PARD3: variants seen among roughly 807,000 people sequenced by gnomAD.
PARD3 encodes the protein partitioning defective 3 homolog.
Under a neutral mutation model 155.4 loss-of-function variants are expected in PARD3, and 75 were observed. The observed-to-expected ratio is 0.48, with a 90% CI of 0.40 to 0.58. PARD3 has a LOEUF of 0.58. PARD3 is among the 20% of genes least tolerant of loss of function. The probability of loss-of-function intolerance (pLI) is 0.00; values close to 1 mark genes in which losing one functional copy is unlikely to be tolerated. For missense variants in PARD3, 1,642 were observed against 1,721.7 expected (o/e 0.95, Z 0.82); for synonymous variants, 576 against 610.5 (o/e 0.94, Z 0.83).
In PARD3 at chr10:34,585,736, T is replaced by C. The variant is rs75513047; in HGVS notation, c.223-68577A>G. Among the ~76,000 whole-genome samples the C allele has an allele frequency of 8.2e-3, 1,244 of 152,210 alleles. 17 individuals are homozygous for C. Among genetic ancestry groups the C allele is most frequent in the African/African-American group, 0.028 (1,182 of 41,538 alleles). On this transcript the variant is annotated intron_variant, in intron 2 of 24. Transcript: ENST00000374788. Reference sequence around the variant, plus strand: ...TGCCTTTTGTAAAATCCCATAACATTAATTTATATACTTTTGCTAAAGGCT... The same window carrying C: ...TGCCTTTTGTAAAATCCCATAACATCAATTTATATACTTTTGCTAAAGGCT...
intron 1 of PARD3, among the ~76,000 whole-genome samples, chr10:34,795,875 CAAG>C (rs1842193618): frequency 6.6e-6 from 1 of 151,904 alleles, no homozygotes; most frequent in Non-Finnish European, 1.5e-5. Context: ...GCCTGGGCAA[CAAG>C]AGTGAAACTC....
chr10:34,432,398 T>C (rs142525677), intron 5 of PARD3, among the ~76,000 whole-genome samples: 2 of 149,838 alleles, frequency 1.3e-5, no homozygotes. Flanking sequence ...GTATAATATA[T>C]AGTACCTGGC....
chr10:34,676,350 T>C (rs933375410), intron 2 of PARD3, among the ~76,000 whole-genome samples: 1 of 152,196 alleles, frequency 6.6e-6, no homozygotes, highest in Non-Finnish European at 1.5e-5. Context: ...GGATGGTTCC[T>C]GCTTGAGGGG....
chr10:34,642,910 G>C (rs967644385), intron 2 of PARD3, among the ~76,000 whole-genome samples: 2 of 152,142 alleles, frequency 1.3e-5, no homozygotes, highest in Admixed American at 1.3e-4. Context: ...CAGCTCTGTG[G>C]CTTCCCATTG....
chr10:34,222,089 A>C (rs1015875705), intron 22 of PARD3, among the ~76,000 whole-genome samples: 1 of 152,382 alleles, frequency 6.6e-6, no homozygotes, highest in Admixed American at 6.5e-5. Flanking sequence ...CTAATGATTT[A>C]AAAGTTTATT....
intron 12 of PARD3, among the ~76,000 whole-genome samples, 187 bp from the exon 13 acceptor site, chr10:34,360,446 T>C (rs1333947793): frequency 6.6e-6 from 1 of 152,242 alleles, no homozygotes; most frequent in Non-Finnish European, 1.5e-5. Context: ...AACCAGCTGT[T>C]AATATTTTTA....
chr10:34,364,462 C>T (rs1272055016), intron 12 of PARD3, among the ~76,000 whole-genome samples: 1 of 151,630 alleles, frequency 6.6e-6, no homozygotes. Flanking sequence ...CAGGGTCTTG[C>T]TCTGTCATCC....
chr10:34,396,282 G>A (rs527869113), intron 7 of PARD3, among the ~76,000 whole-genome samples: 44 of 152,150 alleles, frequency 2.9e-4, no homozygotes, highest in Admixed American at 4.6e-4. Flanking sequence ...CCCGGGAAGC[G>A]GAGGTTGCAG....
At chr10:34,119,358 C>T (rs1446220031) in intron 24 of PARD3, among the ~76,000 whole-genome samples, 1 of 152,216 alleles carries the variant, frequency 6.6e-6, no homozygotes, top group African/African-American at 2.4e-5. Context: ...AGCCAGTACA[C>T]GAGTCGCTTC....
chr10:34,813,910 C>T (rs1433655116), intron 1 of PARD3, among the ~76,000 whole-genome samples: 1 of 152,220 alleles, frequency 6.6e-6, no homozygotes, highest in East Asian at 1.9e-4. Flanking sequence ...TCAGCGTGGG[C>T]TGTTGTCAAA....
intron 1 of PARD3, among the ~76,000 whole-genome samples, chr10:34,762,691 T>C (rs539919422): frequency 6.6e-6 from 1 of 152,290 alleles, no homozygotes; most frequent in South Asian, 2.1e-4. Flanking sequence ...ATAGTCTTGA[T>C]GTATTGGAGA....
At chr10:34,520,674 C>A (rs774862660) in intron 2 of PARD3, among the ~76,000 whole-genome samples, 8 of 152,066 alleles carry the variant, frequency 5.3e-5, no homozygotes, top group Non-Finnish European at 8.8e-5. Context: ...TGAAAGAGCA[C>A]CCATAGACAA....
At chr10:34,241,608 C>A (rs531151738) in intron 22 of PARD3, among the ~76,000 whole-genome samples, 1 of 152,190 alleles carries the variant, frequency 6.6e-6, no homozygotes, top group Admixed American at 6.5e-5. Flanking sequence ...CAGGGCAACA[C>A]GTCTTAATCA....
intron 21 of PARD3, 101 bp from the exon 22 acceptor site, chr10:34,270,000 T>C (rs761238100): frequency 3.9e-5 from 46 of 1,185,948 alleles, no homozygotes; most frequent in Non-Finnish European, 5.2e-5. Context: ...ATATTTGATT[T>C]CTTGCAGCTA....
chr10:34,292,511 G>C (rs1044702589), intron 20 of PARD3, among the ~76,000 whole-genome samples: 2 of 152,108 alleles, frequency 1.3e-5, no homozygotes, highest in Non-Finnish European at 2.9e-5. Context: ...CCTTAGAAAG[G>C]GTACGTGACA....
At chr10:34,362,717 ACTCCTGGG>A (rs1417590284) in intron 12 of PARD3, among the ~76,000 whole-genome samples, 1 of 152,042 alleles carries the variant, frequency 6.6e-6, no homozygotes, top group East Asian at 1.9e-4. Flanking sequence ...CTGGTTTCAG[ACTCCTGGG>A]CTCAAGCAAT....
chr10:34,313,941 G>C (rs925942269), intron 20 of PARD3, among the ~76,000 whole-genome samples: 2 of 152,106 alleles, frequency 1.3e-5, no homozygotes, highest in African/African-American at 4.8e-5. Context: ...TTTGTTTTCT[G>C]AGCTACAAGA....
intron 2 of PARD3, among the ~76,000 whole-genome samples, chr10:34,524,713 C>T (rs1380218515): frequency 1.3e-5 from 2 of 152,154 alleles, no homozygotes; most frequent in African/African-American, 4.8e-5. Flanking sequence ...AACACTACTG[C>T]TTAAGTATTA....
intron 3 of PARD3, among the ~76,000 whole-genome samples, chr10:34,490,264 T>C (rs1337166013): frequency 2.0e-5 from 3 of 152,170 alleles, no homozygotes; most frequent in Non-Finnish European, 4.4e-5. Flanking sequence ...ATGAAAAACA[T>C]TTTAAGAATG....
Sources: allele counts gnomAD v4.1 joint callset (sites outside exome capture counted in the v4.1 genomes callset), GRCh38; gene constraint gnomAD v4.1.1; transcripts MANE v1.5; gene names NCBI Gene and HGNC (gene_info 2026-07-23, HGNC 2026-07-21).